Variants in ZNF704 observed in about 807,000 individuals in gnomAD.
ZNF704 encodes the protein glucocorticoid induced gene 1.
A neutral mutation model predicts 44.7 loss-of-function variants in ZNF704; 10 were observed. The observed-to-expected ratio is 0.22, with a 90% confidence interval of 0.14 to 0.38. The LOEUF is 0.38. Ranked by LOEUF, ZNF704 falls within the 10% of genes least tolerant of loss-of-function variation. The probability of loss-of-function intolerance (pLI) is 1.00; values close to 1 mark genes in which losing one functional copy is unlikely to be tolerated. For synonymous variants in ZNF704, 211 were observed against 207.6 expected, an observed-to-expected ratio of 1.02 and a Z score of -0.14; for missense variants, 390 against 545.5, an observed-to-expected ratio of 0.71 and a Z score of 2.84.
chr8:80,791,883 A>G (rs1361827939), intron 2 of ZNF704, among the ~76,000 whole-genome samples: 2 of 152,236 alleles, frequency 1.3e-5, no homozygotes, highest in Non-Finnish European at 2.9e-5. Context: ...TGGCTGGAAG[A>G]ATGGGTGTAA....
chr8:80,805,166 G>A (rs1807969108), intron 2 of ZNF704, among the ~76,000 whole-genome samples: 1 of 152,164 alleles, frequency 6.6e-6, no homozygotes, highest in African/African-American at 2.4e-5. Context: ...TGTTGTGCAA[G>A]TTTCAAGCTT....
At chr8:80,768,716 T>C (rs185558982) in intron 2 of ZNF704, among the ~76,000 whole-genome samples, 2 of 152,274 alleles carry the variant, frequency 1.3e-5, no homozygotes, top group East Asian at 3.9e-4. Flanking sequence ...CAGCTTATAC[T>C]AGCTTATGAA....
intron 1 of ZNF704, among the ~76,000 whole-genome samples, chr8:80,822,900 T>A (rs1052566261): frequency 6.6e-6 from 1 of 152,318 alleles, no homozygotes; most frequent in East Asian, 1.9e-4. Context: ...GGTTGTTTGA[T>A]GTTTTCTTGT....
intron 2 of ZNF704, among the ~76,000 whole-genome samples, chr8:80,752,234 CTTT>C (rs1024125137): frequency 2.0e-4 from 31 of 151,926 alleles, no homozygotes; most frequent in African/African-American, 7.5e-4. Context: ...GCATAATAAG[CTTT>C]TACCATAAAA....
At chr8:80,864,846 ATG>A (rs1013676618) in intron 1 of ZNF704, among the ~76,000 whole-genome samples, 12 of 152,060 alleles carry the variant, frequency 7.9e-5, no homozygotes, top group Admixed American at 5.2e-4. Flanking sequence ...AATATATTCA[ATG>A]TGTGTGGTAA....
At chr8:80,809,814 T>C (rs1433971177) in intron 2 of ZNF704, among the ~76,000 whole-genome samples, 4 of 152,166 alleles carry the variant, frequency 2.6e-5, no homozygotes, top group Admixed American at 2.6e-4. Flanking sequence ...GATCTTAAAT[T>C]CAAGATGTCT....
chr8:80,711,123 T>C (rs1290029447), intron 2 of ZNF704, among the ~76,000 whole-genome samples: 3 of 152,200 alleles, frequency 2.0e-5, no homozygotes, highest in Non-Finnish European at 4.4e-5. Flanking sequence ...TAGGCTAACA[T>C]AGCGTTTCCT....
intron 2 of ZNF704, among the ~76,000 whole-genome samples, chr8:80,772,355 C>T (rs999909458): frequency 2.0e-5 from 3 of 152,048 alleles, no homozygotes; most frequent in African/African-American, 7.2e-5. Context: ...TAAAGAAGTA[C>T]CTGAGACTGG....
intron 4 of ZNF704, among the ~76,000 whole-genome samples, chr8:80,672,684 C>G (rs1359977144): frequency 6.6e-6 from 1 of 152,176 alleles, no homozygotes; most frequent in Non-Finnish European, 1.5e-5. Context: ...ACTGCATGCT[C>G]TCACTTCTAA....
intron 2 of ZNF704, among the ~76,000 whole-genome samples, chr8:80,755,486 A>C (rs1387233820): frequency 2.0e-5 from 3 of 152,028 alleles, no homozygotes; most frequent in African/African-American, 4.8e-5. Context: ...AAACCCAAAA[A>C]ACAGAACAGA....
chr8:80,717,683 C>T (rs1023342976), intron 2 of ZNF704, among the ~76,000 whole-genome samples: 6 of 152,148 alleles, frequency 3.9e-5, no homozygotes, highest in African/African-American at 1.4e-4. Context: ...GGATTATTAC[C>T]AGTTGGCTAG....
At position 80,664,998 on chromosome 8, in the gene ZNF704, G is replaced by T. The variant is rs368468965; in HGVS notation, c.744C>A (p.Asp248Glu). 6.2e-7 allele frequency: 1 copy of T among 1,614,100 alleles called. No homozygotes were observed. The highest frequency in any genetic ancestry group is 8.5e-7 in the Non-Finnish European group (1 of 1,180,036). ...AGACCGGGGCCAGGCTGCTCAGCCC[G>T]TCTGCCACTGAGTCTGTGTTGAGCT... Reference protein sequence around the residue: ...EIKLNTDSVADGLSSLAPVSP... With the variant: ...EIKLNTDSVAEGLSSLAPVSP... The change falls in exon 6 of 9, where the codon GAC (aspartate) becomes GAA (glutamate). Residue 248 changes from aspartate to glutamate, a missense_variant. By Grantham distance (45) the Asp-to-Glu change is conservative. This residue lies in a region of ZNF704 where 305 missense variants were observed against 435.7 expected (regional missense o/e 0.70). Transcript: ENST00000327835.
chr8:80,871,729 C>T (rs1369319182), intron 1 of ZNF704, among the ~76,000 whole-genome samples: 1 of 152,156 alleles, frequency 6.6e-6, no homozygotes, highest in Non-Finnish European at 1.5e-5. Context: ...GGTTAACATT[C>T]GTATATGCAT....
chr8:80,863,306 C>A (rs924061895), intron 1 of ZNF704, among the ~76,000 whole-genome samples: 2 of 152,100 alleles, frequency 1.3e-5, no homozygotes, highest in Non-Finnish European at 2.9e-5. Flanking sequence ...GCAAAGCATG[C>A]ACAAACTACA....
intron 2 of ZNF704, among the ~76,000 whole-genome samples, chr8:80,715,528 C>T (rs572046591): frequency 3.3e-5 from 5 of 152,274 alleles, no homozygotes; most frequent in African/African-American, 4.8e-5. Context: ...TGTGAAGCTA[C>T]GTGGGAGCAT....
At chr8:80,753,754 G>A (rs368590591) in intron 2 of ZNF704, among the ~76,000 whole-genome samples, 3 of 152,174 alleles carry the variant, frequency 2.0e-5, no homozygotes, top group African/African-American at 7.2e-5. Flanking sequence ...CATCCATGCT[G>A]GGGCTGTCAG....
chr8:80,785,457 G>A (rs1423208651), intron 2 of ZNF704, among the ~76,000 whole-genome samples: 1 of 152,174 alleles, frequency 6.6e-6, no homozygotes, highest in African/African-American at 2.4e-5. Context: ...TCCTTGAGGT[G>A]GGAGTATCGA....
At position 80,832,984 on chromosome 8, in the gene ZNF704, AAT is replaced by A. The variant is rs1156938160; in HGVS notation, c.-21-11371_-21-11370del. 9.8e-5 allele frequency among the ~76,000 whole-genome samples: 15 copies of A among 152,348 alleles called. No homozygotes were observed. In the South Asian group the frequency reaches 1.5e-3, roughly 15 times the overall value. On this transcript the variant is annotated intron_variant, in intron 1 of 8. Coordinates refer to ENST00000327835, the MANE Select transcript of ZNF704 (RefSeq NM_001033723.3). Reference sequence around the variant, plus strand: ...TGCAAATCAGACCCAATAGATTTAAAATATGTTACAAAAAGATAAGCAAAACT... The same window carrying A: ...TGCAAATCAGACCCAATAGATTTAAAATGTTACAAAAAGATAAGCAAAACT...
intron 2 of ZNF704, among the ~76,000 whole-genome samples, chr8:80,809,068 G>A (rs1052745302): frequency 3.9e-5 from 6 of 152,214 alleles, no homozygotes; most frequent in African/African-American, 1.2e-4. Flanking sequence ...AACGTGGGCA[G>A]ATCACTTGAG....
Sources: allele counts gnomAD v4.1 joint callset (sites outside exome capture counted in the v4.1 genomes callset), GRCh38; gene constraint gnomAD v4.1.1; regional missense constraint gnomAD v4.1.1; transcripts MANE v1.5; gene names NCBI Gene and HGNC (gene_info 2026-07-23, HGNC 2026-07-21).